Variants in ANKRD29 observed in about 807,000 individuals in gnomAD.
ANKRD29 encodes ankyrin repeat domain 29.
In ANKRD29, 32 loss-of-function variants were observed where a neutral mutation model predicts 38.0. The observed-to-expected ratio is 0.84, with a 90% CI of 0.64 to 1.13. The LOEUF (loss-of-function observed/expected upper bound fraction) is 1.13, where lower values mean the gene tolerates loss of function less well. ANKRD29 is among the 50% of genes most tolerant of loss of function. The pLI, the probability that ANKRD29 is intolerant of heterozygous loss-of-function variation, is 0.00. For missense variants in ANKRD29, 357 were observed against 377.9 expected (o/e 0.94, Z 0.46); for synonymous variants, 135 against 152.4 (o/e 0.89, Z 0.84).
At chr18:23,629,814 G>T in intron 6 of ANKRD29, 39 bp downstream of exon 6, 1 of 1,571,736 alleles carries the variant, frequency 6.4e-7, no homozygotes, top group Non-Finnish European at 8.7e-7. Context: ...CCTGCCCCAT[G>T]CGCCATGTGC....
rs150840795 is a variant in ANKRD29 at position 23,611,096 on chromosome 18, C to G, written c.822+996G>C. Among the ~76,000 whole-genome samples, 1,516 of 152,276 alleles carry G rather than the reference C, an allele frequency of 1.0e-2. 22 individuals are homozygous for G. Among genetic ancestry groups the G allele is most frequent in the African/African-American group, 0.035 (1,444 of 41,554 alleles). On this transcript the variant is annotated intron_variant, in intron 9 of 9. Transcript: ENST00000592179. ...AAAATGACAATCATTTAAAAAAATT[C>G]TTATTGTGTACCCACCCACCGCGAA...
At chr18:23,611,125 T>G (rs577079148) in intron 9 of ANKRD29, among the ~76,000 whole-genome samples, 3 of 152,352 alleles carry the variant, frequency 2.0e-5, no homozygotes, top group East Asian at 3.9e-4. Context: ...CCGCGAAGTT[T>G]GGCCTAATTG....
intron 3 of ANKRD29, 45 bp from the exon 4 acceptor site, chr18:23,638,992 T>G: frequency 1.4e-6 from 2 of 1,425,500 alleles, no homozygotes; most frequent in Non-Finnish European, 1.9e-6. Context: ...TTTGGTTATC[T>G]TACATTTGAT....
At chr18:23,654,248 G>C (rs1188537671) in intron 1 of ANKRD29, among the ~76,000 whole-genome samples, 4 of 150,860 alleles carry the variant, frequency 2.7e-5, no homozygotes, top group African/African-American at 4.9e-5. Context: ...CCTGGTGACA[G>C]AGCGAGACTC....
chr18:23,661,387 C>G (rs984260238), intron 1 of ANKRD29, among the ~76,000 whole-genome samples: 2 of 152,200 alleles, frequency 1.3e-5, no homozygotes, highest in Non-Finnish European at 2.9e-5. Context: ...CTCTTGCCTT[C>G]CCTACTGAAT....
chr18:23,602,233 C>G lies in ANKRD29; in HGVS notation c.823-924G>C, dbSNP rs576688153. Reference sequence around the variant, plus strand: ...TGTATTTTTAGTAGAGATGGGGTTTCGCCATTTAGCCAGGCTGGTCTTGAA... The same window carrying G: ...TGTATTTTTAGTAGAGATGGGGTTTGGCCATTTAGCCAGGCTGGTCTTGAA... On this transcript the variant is annotated intron_variant, in intron 9 of 9. Coordinates refer to ENST00000592179, the MANE Select transcript of ANKRD29 (RefSeq NM_173505.4). Among the ~76,000 whole-genome samples the G allele has an allele frequency of 5.3e-5, 8 of 152,040 alleles. No individual in the cohort carries two copies. In the South Asian group the frequency reaches 1.7e-3, roughly 32 times the overall value.
chr18:23,659,050 T>C (rs1457652593), intron 1 of ANKRD29, among the ~76,000 whole-genome samples: 2 of 152,222 alleles, frequency 1.3e-5, no homozygotes, highest in Non-Finnish European at 2.9e-5. Context: ...GGTATGATCT[T>C]GGCTCACTGC....
At chr18:23,656,379 A>T (rs889224065) in intron 1 of ANKRD29, among the ~76,000 whole-genome samples, 1 of 152,186 alleles carries the variant, frequency 6.6e-6, no homozygotes, top group Admixed American at 6.5e-5. Context: ...CTAACAAACC[A>T]GGGCCTTTTT....
intron 1 of ANKRD29, among the ~76,000 whole-genome samples, chr18:23,650,693 T>C (rs879739746): frequency 1.4e-4 from 21 of 152,174 alleles, no homozygotes; most frequent in Non-Finnish European, 3.1e-4. Context: ...CTTGCTTAGA[T>C]GGAGATCACA....
At chr18:23,646,478 C>A in intron 2 of ANKRD29, 191 bp from the exon 3 acceptor site, 1 of 475,996 alleles carries the variant, frequency 2.1e-6, no homozygotes, top group South Asian at 3.6e-5. Flanking sequence ...TGACAAATTG[C>A]TGAGGTTGGA....
In ANKRD29 at chr18:23,632,531, G is replaced by GTATATA. The variant is rs772817461; in HGVS notation, c.429+1519_429+1520insTATATA. Among the ~76,000 whole-genome samples the GTATATA allele has an allele frequency of 1.4e-4, 18 of 126,928 alleles. 1 individual carries two copies. Among genetic ancestry groups the GTATATA allele is most frequent in the African/African-American group, 3.6e-4 (11 of 30,236 alleles). 83.3% of individuals were successfully genotyped at this position (126,928 alleles called of 152,430 possible). The stretch of plus-strand genomic sequence containing the variant: ...TCCTATTCAGTGTGTGTGTGTGTGT[G>GTATATA]TGTATATATATATATATTACACACT... On this transcript the variant is annotated intron_variant, in intron 5 of 9. Transcript: ENST00000592179.
At chr18:23,603,912 G>C (rs7241519) in intron 9 of ANKRD29, among the ~76,000 whole-genome samples, 1 of 150,750 alleles carries the variant, frequency 6.6e-6, no homozygotes, top group Non-Finnish European at 1.5e-5. Context: ...GTGCCATCTC[G>C]GCTCACTGCA....
At chr18:23,645,542 C>T (rs2060128039) in intron 3 of ANKRD29, among the ~76,000 whole-genome samples, 1 of 152,150 alleles carries the variant, frequency 6.6e-6, no homozygotes, top group African/African-American at 2.4e-5. Flanking sequence ...CCATTGCACT[C>T]CAGCCTGGGC....
intron 1 of ANKRD29, among the ~76,000 whole-genome samples, chr18:23,660,496 C>T (rs2060345043): frequency 6.6e-6 from 1 of 152,200 alleles, no homozygotes; most frequent in Admixed American, 6.5e-5. Flanking sequence ...ATCCTTGCTG[C>T]AGCCACTGCC....
intron 3 of ANKRD29, 130 bp from the exon 4 acceptor site, chr18:23,639,077 A>G (rs1189631379): frequency 1.7e-6 from 1 of 594,944 alleles, no homozygotes. Flanking sequence ...CTAAATTTGA[A>G]CAGATTCTTA....
intron 4 of ANKRD29, among the ~76,000 whole-genome samples, chr18:23,638,020 C>CA (rs1318353508): frequency 7.1e-5 from 6 of 84,490 alleles, no homozygotes; most frequent in Non-Finnish European, 1.2e-4. Context: ...TTTTTTGAGA[C>CA]AGAGTCTCAC....
intron 5 of ANKRD29, among the ~76,000 whole-genome samples, chr18:23,631,813 G>A (rs1307489090): frequency 6.6e-6 from 1 of 152,080 alleles, no homozygotes; most frequent in Admixed American, 6.5e-5. Context: ...CATGTCACTC[G>A]GTGCTTTCGG....
intron 3 of ANKRD29, among the ~76,000 whole-genome samples, 170 bp from the exon 4 acceptor site, chr18:23,639,117 AG>A (rs765125749): frequency 2.0e-4 from 30 of 152,252 alleles, no homozygotes; most frequent in Non-Finnish European, 4.0e-4. Context: ...ACAAAAGGAA[AG>A]GAAAACTTTA....
chr18:23,634,292 T>A, intron 4 of ANKRD29, 143 bp from the exon 5 acceptor site: 2 of 233,006 alleles, frequency 8.6e-6, no homozygotes, highest in Non-Finnish European at 1.8e-5. Context: ...TTTTTTTTTT[T>A]TTTTTTTTTT....
Sources: gnomAD v4.1 joint callset for allele counts (sites outside exome capture counted in the v4.1 genomes callset) on GRCh38, gnomAD v4.1.1 for gene constraint, MANE v1.5 for transcripts, NCBI Gene and HGNC (gene_info 2026-07-23, HGNC 2026-07-21) for gene names.